Variants in AP1S3 observed in about 807,000 individuals in gnomAD.
AP1S3 encodes AP-1 complex subunit sigma-3.
In AP1S3, 10 loss-of-function variants were observed where a neutral mutation model predicts 20.9. The ratio of observed to expected loss-of-function variants is 0.48; its 90% CI spans 0.29 to 0.81. The LOEUF is 0.81. Ranked by LOEUF, AP1S3 falls within the 30% of genes least tolerant of loss-of-function variation. The pLI is 0.08. For missense variants in AP1S3, 154 were observed against 183.8 expected, an observed-to-expected ratio of 0.84 and a Z score of 0.94; for synonymous variants, 41 against 61.5, an observed-to-expected ratio of 0.67 and a Z score of 1.56.
At position 223,822,226 on chromosome 2, in the gene AP1S3, C is replaced by CA. The variant is rs1244694817; in HGVS notation, c.3+15221dup. Among the ~76,000 whole-genome samples, 58 of 150,774 alleles carry CA rather than the reference C, an allele frequency of 3.8e-4. 1 individual carries two copies. Among genetic ancestry groups the CA allele is most frequent in the Admixed American group, 1.4e-3 (21 of 15,116 alleles). On this transcript the variant is annotated intron_variant, in intron 1 of 4. Coordinates refer to ENST00000396654, the MANE Select transcript of AP1S3 (RefSeq NM_001039569.2). ...GCAATATAGTGAGACCTTGTCTCTACAAAAAAAATAGAAAAAATGAGCTGG... is the reference window on the plus strand; with the variant it reads ...GCAATATAGTGAGACCTTGTCTCTACAAAAAAAAATAGAAAAAATGAGCTGG...
chr2:223,812,072 G>C (rs1285790942), intron 1 of AP1S3, among the ~76,000 whole-genome samples: 2 of 152,188 alleles, frequency 1.3e-5, no homozygotes, highest in African/African-American at 2.4e-5. Flanking sequence ...AATCCAGAGA[G>C]GGATTCTCAG....
At chr2:223,814,628 T>C (rs1187758625) in intron 1 of AP1S3, among the ~76,000 whole-genome samples, 1 of 152,186 alleles carries the variant, frequency 6.6e-6, no homozygotes, top group Non-Finnish European at 1.5e-5. Flanking sequence ...ATCCACTATT[T>C]ACAAAACATT....
At chr2:223,824,219 C>T (rs4674819) in intron 1 of AP1S3, among the ~76,000 whole-genome samples, 74,609 of 151,736 alleles carry the variant, frequency 0.49, 18,423 homozygotes, top group Admixed American at 0.58. Flanking sequence ...CCCAGGCTGG[C>T]CTCGAACTTT....
chr2:223,770,340 T>C (rs1438600531), intron 3 of AP1S3: 3 of 1,549,738 alleles, frequency 1.9e-6, no homozygotes, highest in African/African-American at 1.4e-5. Context: ...AAAGTGAACC[T>C]GACAGATACT....
chr2:223,793,574 A>G (rs575768846), intron 1 of AP1S3, among the ~76,000 whole-genome samples: 1 of 152,154 alleles, frequency 6.6e-6, no homozygotes, highest in East Asian at 1.9e-4. Context: ...GGGTAGGAGG[A>G]GGGAGAGCAT....
At chr2:223,788,036 G>A (rs1476297533) in intron 1 of AP1S3, among the ~76,000 whole-genome samples, 2 of 151,508 alleles carry the variant, frequency 1.3e-5, no homozygotes, top group Non-Finnish European at 2.9e-5. Context: ...GGCTCGCCCA[G>A]GTTCAAGTGA....
intron 1 of AP1S3, among the ~76,000 whole-genome samples, chr2:223,786,660 G>A (rs1691085074): frequency 1.3e-5 from 2 of 151,968 alleles, no homozygotes; most frequent in African/African-American, 2.4e-5. Context: ...CTCACACTTT[G>A]GGAGGCCAAG....
Position 223,767,319 on chromosome 2 carries a change from CA to C in AP1S3, c.292-1970del, listed in dbSNP as rs528388240. 5.3e-4 allele frequency among the ~76,000 whole-genome samples: 81 copies of C among 152,270 alleles called. 1 individual carries two copies. Among genetic ancestry groups the C allele is most frequent in the African/African-American group, 1.7e-3 (72 of 41,558 alleles). On this transcript the variant is annotated intron_variant, in intron 3 of 4. Transcript: ENST00000396654. ...TTCTCCCTTGCTCCCCTGATTTTGG[CA>C]ATACCACTTAATGCCTGTTTTTCTT...
chr2:223,830,889 G>C (rs1692242440), intron 1 of AP1S3, among the ~76,000 whole-genome samples: 1 of 152,220 alleles, frequency 6.6e-6, no homozygotes, highest in Admixed American at 6.5e-5. Context: ...TTTTAGAAGA[G>C]GGATGTTGGC....
chr2:223,773,789 C>T (rs531421064), intron 3 of AP1S3, among the ~76,000 whole-genome samples: 2 of 152,092 alleles, frequency 1.3e-5, no homozygotes, highest in Admixed American at 6.6e-5. Context: ...TTAACAAAAA[C>T]TTCAGTGAGT....
chr2:223,756,131 C>T lies in AP1S3; in HGVS notation c.*2584G>A, dbSNP rs184251900. On this transcript the variant is annotated 3_prime_UTR_variant, in exon 5 of 5. Transcript: ENST00000396654. ...AGGCGGGCGGATCACCTGAGGTCGGCGTTCAAGACCAGCCTGACCAACATG... is the reference window on the plus strand; with the variant it reads ...AGGCGGGCGGATCACCTGAGGTCGGTGTTCAAGACCAGCCTGACCAACATG... The T allele has an allele frequency of 8.6e-5, 61 of 706,418 alleles. No individual in the cohort carries two copies. The African/African-American group carries it at 9.1e-4, about 11-fold the overall frequency. 43.8% of individuals were successfully genotyped at this position (706,418 alleles called of 1,614,324 possible).
In AP1S3 at chr2:223,759,790, C is replaced by T. The variant is rs1013212894; in HGVS notation, c.430-1040G>A. Among the ~76,000 whole-genome samples, 7 of 152,102 alleles carry T rather than the reference C, an allele frequency of 4.6e-5. No homozygotes were observed. In the East Asian group the frequency reaches 1.2e-3, roughly 25 times the overall value. On this transcript the variant is annotated intron_variant, in intron 4 of 4. Transcript: ENST00000396654. ...CTCCCACCCTCCACCCTCTGAAAGG[C>T]TCCAGTGTGTGTTGTTCCCTTCTAT...
At position 223,756,146 on chromosome 2, in the gene AP1S3, T is replaced by G. The variant is rs116620612; in HGVS notation, c.*2569A>C. 4.0e-3 allele frequency: 2,237 copies of G among 563,976 alleles called. 50 individuals are homozygous for G. In the African/African-American group the frequency reaches 0.043, roughly 11 times the overall value. The allele number at this position is 563,976 out of a possible 1,614,324, so 34.9% of individuals were successfully genotyped here. ...CTGAGGTCGGCGTTCAAGACCAGCCTGACCAACATGGAGAAATCCCAACTC... is the reference window on the plus strand; with the variant it reads ...CTGAGGTCGGCGTTCAAGACCAGCCGGACCAACATGGAGAAATCCCAACTC... On this transcript the variant is annotated 3_prime_UTR_variant, in exon 5 of 5. Transcript: ENST00000396654.
chr2:223,827,681 C>T (rs960559571), intron 1 of AP1S3, among the ~76,000 whole-genome samples: 11 of 151,874 alleles, frequency 7.2e-5, no homozygotes, highest in Non-Finnish European at 1.3e-4. Context: ...CCACTATGCC[C>T]GGCCGATTTT....
chr2:223,761,980 T>G (rs1477815565), intron 4 of AP1S3, among the ~76,000 whole-genome samples: 1 of 151,832 alleles, frequency 6.6e-6, no homozygotes, highest in African/African-American at 2.4e-5. Flanking sequence ...TTTCATTTTC[T>G]TTTCTTTTTT....
intron 1 of AP1S3, among the ~76,000 whole-genome samples, chr2:223,822,997 G>A (rs528036393): frequency 1.3e-5 from 2 of 152,058 alleles, no homozygotes; most frequent in East Asian, 3.9e-4. Flanking sequence ...AAAATGCTCA[G>A]CATCACTAAT....
intron 1 of AP1S3, among the ~76,000 whole-genome samples, chr2:223,831,193 C>T (rs1396306242): frequency 1.3e-5 from 2 of 152,058 alleles, no homozygotes; most frequent in Non-Finnish European, 2.9e-5. Flanking sequence ...TGCAGTGGCA[C>T]AATCATGGCT....
At chr2:223,777,977 C>T (rs1052517735) in intron 1 of AP1S3, 108 bp from the exon 2 acceptor site, 17 of 1,000,258 alleles carry the variant, frequency 1.7e-5, no homozygotes, top group Middle Eastern at 3.1e-4. Context: ...TAATTCTGAA[C>T]GGATGAAAAA....
intron 1 of AP1S3, among the ~76,000 whole-genome samples, chr2:223,810,139 G>C (rs1236296577): frequency 6.6e-6 from 1 of 152,104 alleles, no homozygotes; most frequent in African/African-American, 2.4e-5. Context: ...AAGTTAAGTG[G>C]CTTATTAAAC....
Sources: gnomAD v4.1 joint callset for allele counts (sites outside exome capture counted in the v4.1 genomes callset) on GRCh38, gnomAD v4.1.1 for gene constraint, MANE v1.5 for transcripts, NCBI Gene and HGNC (gene_info 2026-07-23, HGNC 2026-07-21) for gene names.